MACF1: variants seen among roughly 807,000 people sequenced by gnomAD.
The protein encoded by MACF1 is microtubule-actin cross-linking factor 1.
Under a neutral mutation model 854.8 loss-of-function variants are expected in MACF1, and 193 were observed. The ratio of observed to expected loss-of-function variants is 0.23; its 90% confidence interval spans 0.20 to 0.25. The LOEUF (loss-of-function observed/expected upper bound fraction) is 0.25. MACF1 is among the 10% of genes least tolerant of loss of function. The pLI, the probability that MACF1 is intolerant of heterozygous loss-of-function variation, is 1.00. For synonymous variants in MACF1, 3,185 were observed against 3,226.7 expected, an observed-to-expected ratio of 0.99 and a Z score of 0.44; for missense variants, 7,722 against 8,929.1, an observed-to-expected ratio of 0.86 and a Z score of 5.45.
At chr1:39,360,091 A>G (rs141978623) in intron 47 of MACF1, among the ~76,000 whole-genome samples, 3 of 143,922 alleles carry the variant, frequency 2.1e-5, no homozygotes, top group African/African-American at 7.6e-5. Context: ...ACACACATAT[A>G]TACACACACA....
intron 58 of MACF1, among the ~76,000 whole-genome samples, chr1:39,405,882 C>CT (rs201320427): frequency 0.054 from 7,799 of 144,018 alleles, 493 homozygotes; most frequent in African/African-American, 0.16. Flanking sequence ...TGAACAGATG[C>CT]TTTTTTTTTT....
chr1:39,387,602 A>C lies in MACF1; in HGVS notation c.14760A>C (p.Glu4920Asp), dbSNP rs1450190039. 1 of 1,614,220 alleles carries C rather than the reference A, an allele frequency of 6.2e-7. No individual in the cohort carries two copies. Among genetic ancestry groups the C allele is most frequent in the Non-Finnish European group, 8.5e-7 (1 of 1,180,040 alleles). Residue 4920 changes from glutamate to aspartate, a missense_variant, in exon 58 of 101, where the codon GAA becomes GAC. This residue lies in a region of MACF1 where 2,807 missense variants were observed against 3,235.8 expected (regional missense o/e 0.87). Coordinates refer to ENST00000564288, the MANE Select transcript of MACF1 (RefSeq NM_001394062.1). The part of the protein sequence containing the change: ...WHVEDLVPWI[E>D]DCKAKMSELR... ...TGGAAGACCTTGTGCCATGGATAGA[A>C]GATTGTAAAGCTAAGATGTCTGAGT...
intron 2 of MACF1, among the ~76,000 whole-genome samples, chr1:39,111,614 C>T (rs1642408280): frequency 6.6e-6 from 1 of 152,086 alleles, no homozygotes; most frequent in African/African-American, 2.4e-5. Context: ...ATCTTCTGAC[C>T]TCGTGATCTG....
intron 2 of MACF1, among the ~76,000 whole-genome samples, chr1:39,087,658 A>G (rs1641706536): frequency 6.6e-6 from 1 of 152,236 alleles, no homozygotes; most frequent in Non-Finnish European, 1.5e-5. Context: ...AGAGATTTCA[A>G]AATAACTCTG....
intron 13 of MACF1, 94 bp downstream of exon 13, chr1:39,285,484 C>A: frequency 6.6e-7 from 1 of 1,517,524 alleles, no homozygotes; most frequent in Non-Finnish European, 9.0e-7. Context: ...TCGAGGAATC[C>A]AGATGTATTA....
intron 47 of MACF1, among the ~76,000 whole-genome samples, chr1:39,359,610 G>T (rs1647886270): frequency 6.6e-6 from 1 of 152,018 alleles, no homozygotes; most frequent in Non-Finnish European, 1.5e-5. Context: ...ACCAAGCGTG[G>T]TGAAATCTTG....
At chr1:39,144,080 C>CTTTTT (rs1430433191) in intron 2 of MACF1, among the ~76,000 whole-genome samples, 1 of 107,612 alleles carries the variant, frequency 9.3e-6, no homozygotes, top group African/African-American at 3.6e-5. Flanking sequence ...AGCCACGGCG[C>CTTTTT]TTTTTTTTTT....
intron 2 of MACF1, among the ~76,000 whole-genome samples, chr1:39,135,372 G>T (rs1253714991): frequency 3.3e-5 from 5 of 151,980 alleles, no homozygotes; most frequent in Non-Finnish European, 7.4e-5. Flanking sequence ...TCAGCCTTCC[G>T]AGTAGCTGGG....
chr1:39,337,560 C>G (rs1303567943), intron 38 of MACF1, among the ~76,000 whole-genome samples: 1 of 80,370 alleles, frequency 1.2e-5, no homozygotes, highest in African/African-American at 3.8e-5. Flanking sequence ...GTAATTACTA[C>G]CATTTTTTTT....
At chr1:39,483,747 C>T (rs1424451212) in intron 99 of MACF1, among the ~76,000 whole-genome samples, 1 of 152,190 alleles carries the variant, frequency 6.6e-6, no homozygotes, top group Admixed American at 6.5e-5. Context: ...GTCCCACAGT[C>T]GTGTGCTTCT....
intron 2 of MACF1, among the ~76,000 whole-genome samples, chr1:39,239,888 A>G (rs1644902447): frequency 1.3e-5 from 2 of 152,308 alleles, no homozygotes; most frequent in South Asian, 4.1e-4. Context: ...AATGCTTACA[A>G]CCAACCCTTC....
rs186400040 is a variant in MACF1 at position 39,168,287 on chromosome 1, G to A, written c.221-62895G>A. On this transcript the variant is annotated intron_variant, in intron 2 of 93. Transcript: ENST00000361689. Reference sequence around the variant, plus strand: ...GACACAATTGATTACATCCCTGCCTGTTTAAAATATTCTCTTCTTTTACCT... The same window carrying A: ...GACACAATTGATTACATCCCTGCCTATTTAAAATATTCTCTTCTTTTACCT... Among the ~76,000 whole-genome samples, 1,046 of 152,310 alleles carry A rather than the reference G, an allele frequency of 6.9e-3. 8 individuals are homozygous for A. Among genetic ancestry groups the A allele is most frequent in the Non-Finnish European group, 9.6e-3 (654 of 68,030 alleles).
In MACF1 at chr1:39,105,268, CGGCGGGGAGAGGG is replaced by C. The variant is rs1642197497; in HGVS notation, c.220+20839_220+20851del. 2 of 412,596 alleles carry C rather than the reference CGGCGGGGAGAGGG, an allele frequency of 4.8e-6. No individual in the cohort carries two copies. The highest frequency in any genetic ancestry group is 2.2e-5 in the African/African-American group (1 of 46,034). The allele number at this position is 412,596 out of a possible 1,614,324, so 25.6% of individuals were successfully genotyped here. The stretch of plus-strand genomic sequence containing the variant: ...CCGAGGACTCGCCGGGACCCGGAGG[CGGCGGGGAGAGGG>C]GGCGGGGAACGGGCCGGGCCTGGCG... On this transcript the variant is annotated intron_variant, in intron 2 of 93. Transcript: ENST00000361689. This position sits in a 1 kb window ranked among gnomAD's most constrained non-coding sequence, Gnocchi z 5.9.
chr1:39,457,310 A>C (rs1392150025), intron 89 of MACF1: 1 of 151,254 alleles, frequency 6.6e-6, no homozygotes, highest in African/African-American at 2.4e-5. Context: ...ACATCTAGCC[A>C]CTCACCAGGG....
At position 39,384,483 on chromosome 1, in the gene MACF1, T is replaced by C. The variant is rs190013508; in HGVS notation, c.13849-951T>C. Among the ~76,000 whole-genome samples, 83 of 152,294 alleles carry C rather than the reference T, an allele frequency of 5.4e-4. 1 individual carries two copies. Among genetic ancestry groups the C allele is most frequent in the African/African-American group, 2.0e-3 (83 of 41,570 alleles). ...GAGGAAGCTGGGGTTTGAGAACTTATGAAATCTTGCCTAAGGTCATACAGC... is the reference window on the plus strand; with the variant it reads ...GAGGAAGCTGGGGTTTGAGAACTTACGAAATCTTGCCTAAGGTCATACAGC... On this transcript the variant is annotated intron_variant, in intron 56 of 100. Transcript: ENST00000564288.
At chr1:39,445,520 G>A (rs544455471) in intron 80 of MACF1, among the ~76,000 whole-genome samples, 83 of 152,264 alleles carry the variant, frequency 5.5e-4, no homozygotes, top group South Asian at 3.1e-3. Context: ...CACTAAAGAC[G>A]ACCCTATCTT....
chr1:39,198,394 T>A (rs938243825), intron 2 of MACF1, among the ~76,000 whole-genome samples: 4 of 151,642 alleles, frequency 2.6e-5, no homozygotes, highest in Admixed American at 2.6e-4. Flanking sequence ...GGCTCACTCC[T>A]GTAATCCCAG....
At chr1:39,189,726 A>G (rs1163272075) in intron 2 of MACF1, among the ~76,000 whole-genome samples, 1 of 152,150 alleles carries the variant, frequency 6.6e-6, no homozygotes, top group Non-Finnish European at 1.5e-5. Context: ...TGACCATTTC[A>G]TTGACTGAAT....
At position 39,310,316 on chromosome 1, in the gene MACF1, G is replaced by A. The variant is rs1437804211; in HGVS notation, c.2988G>A (p.Leu996=). 1.9e-6 allele frequency: 3 copies of A among 1,614,160 alleles called. No individual in the cohort carries two copies. The highest frequency in any genetic ancestry group is 1.7e-5 in the Admixed American group (1 of 60,020). The change falls in exon 25 of 101, where the codon CTG becomes CTA. Residue 996 remains leucine, a synonymous_variant. Transcript: ENST00000564288. Reference sequence around the variant, plus strand: ...TTCAGGCCCACTATGAAGACTTTCTGCAGGATAGTCGTGACTCTGTGCTGT... The same window carrying A: ...TTCAGGCCCACTATGAAGACTTTCTACAGGATAGTCGTGACTCTGTGCTGT... ...KNLQAHYEDF[L]QDSRDSVLFS...
Sources: allele counts gnomAD v4.1 joint callset (sites outside exome capture counted in the v4.1 genomes callset), GRCh38; gene constraint gnomAD v4.1.1; regional missense constraint gnomAD v4.1.1; non-coding constraint Gnocchi (gnomAD v3.1); transcripts MANE v1.5; gene names NCBI Gene and HGNC (gene_info 2026-07-23, HGNC 2026-07-21).